GOLGA8M: variants seen among roughly 807,000 people sequenced by gnomAD.
The protein encoded by GOLGA8M is golgin A8 family member M.
Under a neutral mutation model 87.7 loss-of-function variants are expected in GOLGA8M, and 34 were observed. The ratio of observed to expected loss-of-function variants is 0.39; its 90% CI spans 0.29 to 0.52. GOLGA8M has a LOEUF of 0.52. Ranked by LOEUF, GOLGA8M falls within the 20% of genes least tolerant of loss-of-function variation. The probability of loss-of-function intolerance (pLI) is 0.80; values close to 1 mark genes in which losing one functional copy is unlikely to be tolerated. For missense variants in GOLGA8M, 396 were observed against 682.2 expected (o/e 0.58, Z 4.67); for synonymous variants, 138 against 250.2 (o/e 0.55, Z 4.23).
intron 1 of GOLGA8M, chr15:28,711,479 T>C (rs1372513241): frequency 1.0e-5 from 10 of 985,048 alleles, no homozygotes; most frequent in Non-Finnish European, 1.2e-5. Flanking sequence ...AGAGATACCG[T>C]CAATGTTTTG....
chr15:28,707,186 C>G lies in GOLGA8M; in HGVS notation c.592-487G>C, dbSNP rs989990337. 7.7e-4 allele frequency among the ~76,000 whole-genome samples: 105 copies of G among 135,844 alleles called. 4 individuals carry two copies. Among genetic ancestry groups the G allele is most frequent in the African/African-American group, 3.1e-3 (103 of 32,844 alleles). The allele number at this position is 135,844 out of a possible 152,430, so 89.1% of individuals were successfully genotyped here. A position where few individuals can be genotyped will look rare whatever the true frequency, so the allele number is the denominator to read the frequency against. ...GTTTTTCTTGCTGGGGATGGGGGCA[C>G]AGATAGGAAGGGGAAAATTAATCTT... On this transcript the variant is annotated intron_variant, in intron 8 of 18. Coordinates refer to ENST00000563027, the MANE Select transcript of GOLGA8M (RefSeq NM_001282468.3).
At chr15:28,704,014 AC>A in intron 13 of GOLGA8M, 97 bp from the exon 14 acceptor site, 2 of 1,563,896 alleles carry the variant, frequency 1.3e-6, no homozygotes, top group Non-Finnish European at 1.7e-6. Context: ...GTCTCCTGCA[AC>A]TTTTGGCAGG....
chr15:28,702,118 C>T lies in GOLGA8M; in HGVS notation c.1735G>A (p.Val579Met), dbSNP rs1457804075. 79 of 1,581,168 alleles carry T rather than the reference C, an allele frequency of 5.0e-5. 1 individual carries two copies. The East Asian group carries it at 1.5e-3, about 31-fold the overall frequency. ...CCTTGGGCAGAGGAGGTGAGGCTCA[C>T]CTCACAAAGATCTTTGGAGAGAGGG... ...AADKHGDLCE[V>M]SLTSSAQGEA... The change falls in exon 19 of 19, where the codon GTG (valine) becomes ATG (methionine). Residue 579 changes from valine (V) to methionine (M), a missense_variant. By Grantham distance (21) the Val-to-Met change is conservative. Coordinates refer to ENST00000563027, the MANE Select transcript of GOLGA8M (RefSeq NM_001282468.3).
intron 13 of GOLGA8M, chr15:28,704,949 G>A (rs1024939791): frequency 1.5e-5 from 13 of 886,106 alleles, no homozygotes; most frequent in South Asian, 5.7e-5. Flanking sequence ...CTCTAGCTAG[G>A]ATGATGATGT....
At chr15:28,704,101 G>T (rs1231967353) in intron 13 of GOLGA8M, among the ~76,000 whole-genome samples, 184 bp from the exon 14 acceptor site, 3 of 147,552 alleles carry the variant, frequency 2.0e-5, no homozygotes, top group Non-Finnish European at 2.9e-5. Context: ...TGCAGTCACT[G>T]CCTGTACAGC....
rs1444424245 is a variant in GOLGA8M, at chr15:28,701,274, A to G, written c.*680T>C. Reference sequence around the variant, plus strand: ...CCTGGCACCGGAACAGATGAAACACACTCTATCCTGCACATACCTGCCAGA... The same window carrying G: ...CCTGGCACCGGAACAGATGAAACACGCTCTATCCTGCACATACCTGCCAGA... On this transcript the variant is annotated 3_prime_UTR_variant, in exon 19 of 19. Transcript: ENST00000563027. Among the ~76,000 whole-genome samples the G allele has an allele frequency of 1.3e-5, 2 of 151,112 alleles. No individual in the cohort carries two copies. The highest frequency in any genetic ancestry group is 6.6e-5 in the Admixed American group (1 of 15,138).
chr15:28,711,103 A>G (rs1324206846), intron 1 of GOLGA8M, among the ~76,000 whole-genome samples: 37 of 150,664 alleles, frequency 2.5e-4, no homozygotes, highest in African/African-American at 8.6e-4. Flanking sequence ...GAGGGCTGGT[A>G]TACTCTTAGA....
At chr15:28,704,170 C>T (rs1434741916) in intron 13 of GOLGA8M, among the ~76,000 whole-genome samples, 3 of 148,308 alleles carry the variant, frequency 2.0e-5, no homozygotes, top group African/African-American at 4.9e-5. Flanking sequence ...TAGGTGGCCA[C>T]GGACTGCTGC....
In GOLGA8M at chr15:28,701,501, G is replaced by C. The variant is rs1226397027; in HGVS notation, c.*453C>G. 6.6e-6 allele frequency among the ~76,000 whole-genome samples: 1 copy of C among 150,926 alleles called. No individual in the cohort carries two copies. Among genetic ancestry groups the C allele is most frequent in the Non-Finnish European group, 1.5e-5 (1 of 67,932 alleles). ...GCAAACTACATATTGAGCTAACGAA[G>C]AGCTCACTGTGATTAAGATTAGATC... is the stretch of plus-strand genomic sequence containing the variant. On this transcript the variant is annotated 3_prime_UTR_variant, in exon 19 of 19. Coordinates refer to ENST00000563027, the MANE Select transcript of GOLGA8M (RefSeq NM_001282468.3).
At chr15:28,712,587 G>GGCA (rs1567313579), upstream of GOLGA8M, among the ~76,000 whole-genome samples, 5 of 148,908 alleles carry the variant, frequency 3.4e-5, no homozygotes, top group African/African-American at 1.2e-4. Flanking sequence ...CTGCCCATGC[G>GGCA]ACCGCTCTCC....
chr15:28,708,098 A>G, intron 6 of GOLGA8M, 28 bp downstream of exon 6: 6 of 1,605,688 alleles, frequency 3.7e-6, no homozygotes, highest in Non-Finnish European at 5.1e-6. Flanking sequence ...TCCGGAGGAC[A>G]GGAGGAAACT....
rs529721115 is a variant in GOLGA8M at position 28,702,897 on chromosome 15, G to A, written c.1369-152C>T. ...AGTGGGTCTCCCCACTCACAGACTC[G>A]CCCCCAGGCCCTGGGGCTGCAGGGC... On this transcript the variant is annotated intron_variant, in intron 15 of 18. Transcript: ENST00000563027. 219 of 970,164 alleles carry A rather than the reference G, an allele frequency of 2.3e-4. 11 individuals carry two copies. The highest frequency in any genetic ancestry group is 2.5e-4 in the Non-Finnish European group (205 of 825,026). The allele number at this position is 970,164 out of a possible 1,614,324, so 60.1% of individuals were successfully genotyped here. A position where few individuals can be genotyped will look rare whatever the true frequency, so the allele number is the denominator to read the frequency against.
In GOLGA8M at chr15:28,702,485, C is replaced by A. The variant is rs749243584; in HGVS notation, c.1547G>T (p.Gly516Val). ...CCTACCTTCATCTCCTCCCTGAGCTCCAGCCTGATGGTGTCCTCCTCCCAG... is the reference window on the plus strand; with the variant it reads ...CCTACCTTCATCTCCTCCCTGAGCTACAGCCTGATGGTGTCCTCCTCCCAG... Reference protein sequence around the residue: ...AALGGGHHQAGAQGGDEGEAA... With the variant: ...AALGGGHHQAVAQGGDEGEAA... Residue 516 changes from glycine (G) to valine (V), a missense_variant, in exon 17 of 19, where the codon GGA becomes GTA. By Grantham distance (109) the Gly-to-Val change is moderately radical. Around this residue, in one of 12 missense-constraint regions of GOLGA8M, gnomAD observed 173 missense variants for 150.2 expected, o/e 1.15. Transcript: ENST00000563027. The A allele has an allele frequency of 6.4e-7, 1 of 1,553,482 alleles. No homozygotes were observed. Among genetic ancestry groups the A allele is most frequent in the Non-Finnish European group, 8.6e-7 (1 of 1,157,364 alleles).
In GOLGA8M at chr15:28,701,618, A is replaced by C. The variant is rs570694852; in HGVS notation, c.*336T>G. Reference sequence around the variant, plus strand: ...TTAAAAAAGCATGGCAGCCTATTCCAAACCAGCGAGAACAGTTTTGGGCAA... The same window carrying C: ...TTAAAAAAGCATGGCAGCCTATTCCCAACCAGCGAGAACAGTTTTGGGCAA... On this transcript the variant is annotated 3_prime_UTR_variant, in exon 19 of 19. Coordinates refer to ENST00000563027, the MANE Select transcript of GOLGA8M (RefSeq NM_001282468.3). Among the ~76,000 whole-genome samples, 1 of 151,940 alleles carries C rather than the reference A, an allele frequency of 6.6e-6. No homozygotes were observed. The highest frequency in any genetic ancestry group is 1.5e-5 in the Non-Finnish European group (1 of 68,024).
chr15:28,711,958 C>A (rs999430432), intron 1 of GOLGA8M: 2 of 984,660 alleles, frequency 2.0e-6, no homozygotes, highest in Non-Finnish European at 2.4e-6. Context: ...TGGGGCCTGG[C>A]TCCTCAGAGA....
chr15:28,708,655 C>T lies in GOLGA8M; in HGVS notation c.310-242G>A, dbSNP rs4079639. On this transcript the variant is annotated intron_variant, in intron 4 of 18. Coordinates refer to ENST00000563027, the MANE Select transcript of GOLGA8M (RefSeq NM_001282468.3). The stretch of plus-strand genomic sequence containing the variant: ...CTGGAATCTCTTGAGAGGACAGCAA[C>T]ATAAACCTCTAGAGATGGAGTTTCA... Among the ~76,000 whole-genome samples, 9 of 150,412 alleles carry T rather than the reference C, an allele frequency of 6.0e-5. No individual in the cohort carries two copies. In the East Asian group the frequency reaches 7.9e-4, roughly 13 times the overall value.
chr15:28,706,828 G>C (rs1356181735), intron 8 of GOLGA8M, 129 bp from the exon 9 acceptor site: 3 of 842,206 alleles, frequency 3.6e-6, no homozygotes, highest in Non-Finnish European at 5.5e-6. Context: ...TTCCAAGCCC[G>C]TGGTCTGGTT....
At chr15:28,711,063 AAG>A (rs2080183468) in intron 1 of GOLGA8M, among the ~76,000 whole-genome samples, 1 of 151,168 alleles carries the variant, frequency 6.6e-6, no homozygotes, top group Admixed American at 6.6e-5. Flanking sequence ...ATTCATCAGA[AAG>A]AGGACAACCC....
chr15:28,702,032 G>C lies in GOLGA8M; in HGVS notation c.1821C>G (p.His607Gln), dbSNP rs2079799672. The change falls in exon 19 of 19, where the codon CAC (histidine) becomes CAG (glutamine). Residue 607 changes from histidine to glutamine, a missense_variant. This residue lies in a region of GOLGA8M where 35 missense variants were observed against 61.4 expected (regional missense o/e 0.57). Coordinates refer to ENST00000563027, the MANE Select transcript of GOLGA8M (RefSeq NM_001282468.3). The part of the protein sequence containing the change: ...KPTAQPIVQD[H>Q]QEHPGLGSNC... ...TGCTGCCCAAGCCTGGGTGCTCCTG[G>C]TGGTCCTGCACGATCGGCTGTGCAG... 1 of 1,597,310 alleles carries C rather than the reference G, an allele frequency of 6.3e-7. No individual in the cohort carries two copies. Among genetic ancestry groups the C allele is most frequent in the Non-Finnish European group, 8.5e-7 (1 of 1,179,662 alleles).
Sources: allele counts gnomAD v4.1 joint callset (sites outside exome capture counted in the v4.1 genomes callset), GRCh38; gene constraint gnomAD v4.1.1; regional missense constraint gnomAD v4.1.1; transcripts MANE v1.5; gene names NCBI Gene and HGNC (gene_info 2026-07-23, HGNC 2026-07-21).